Variants in RABGEF1 observed in about 807,000 individuals in gnomAD.
The protein encoded by RABGEF1 is rab5 GDP/GTP exchange factor.
In RABGEF1, 26 loss-of-function variants were observed where a neutral mutation model predicts 57.3. That is an observed-to-expected ratio of 0.45 (90% CI 0.33 to 0.63). RABGEF1 has a LOEUF of 0.63. Ranked by LOEUF, RABGEF1 falls within the 20% of genes least tolerant of loss-of-function variation. RABGEF1 has a pLI of 0.02. For missense variants in RABGEF1, 464 were observed against 607.6 expected, an observed-to-expected ratio of 0.76 and a Z score of 2.48; for synonymous variants, 185 against 210.7, an observed-to-expected ratio of 0.88 and a Z score of 1.06.
At position 66,809,416 on chromosome 7, in the gene RABGEF1, G is replaced by A; in HGVS notation, c.*132G>A. On this transcript the variant is annotated 3_prime_UTR_variant, in exon 9 of 9. Coordinates refer to ENST00000284957, the MANE Select transcript of RABGEF1 (RefSeq NM_014504.3). ...CATTTTTTAAAGGTACAGTATATGGGGATTGTTTCGTTTTTCCTAGCAGGG... is the reference window on the plus strand; with the variant it reads ...CATTTTTTAAAGGTACAGTATATGGAGATTGTTTCGTTTTTCCTAGCAGGG... 2 of 1,000,632 alleles carry A rather than the reference G, an allele frequency of 2.0e-6. No individual in the cohort carries two copies. The highest frequency in any genetic ancestry group is 3.2e-5 in the Admixed American group (1 of 30,884). The allele number at this position is 1,000,632 out of a possible 1,614,324, so 62.0% of individuals were successfully genotyped here.
intron 3 of RABGEF1, among the ~76,000 whole-genome samples, chr7:66,776,659 C>G (rs1327680312): frequency 6.6e-6 from 1 of 152,146 alleles, no homozygotes; most frequent in African/African-American, 2.4e-5. Flanking sequence ...CGTGCCATTG[C>G]ACTCCAGCCT....
At chr7:66,742,482 T>C (rs913895730) in intron 1 of RABGEF1, among the ~76,000 whole-genome samples, 6 of 152,136 alleles carry the variant, frequency 3.9e-5, no homozygotes, top group Non-Finnish European at 7.4e-5. Flanking sequence ...GTGTGGAGCC[T>C]GGAAGGGATC....
chr7:66,737,617 T>G (rs1316134587), upstream of RABGEF1, among the ~76,000 whole-genome samples: 1 of 152,224 alleles, frequency 6.6e-6, no homozygotes, highest in Non-Finnish European at 1.5e-5. Context: ...TCCTTTAATT[T>G]TGCCAAGGAA....
At chr7:66,680,628 C>A (rs544790169), upstream of RABGEF1, among the ~76,000 whole-genome samples, 1 of 151,658 alleles carries the variant, frequency 6.6e-6, no homozygotes, top group East Asian at 2.0e-4. Context: ...ATCAATTAAT[C>A]TCCACTTTAC....
rs1248821903 is a variant in RABGEF1 at position 66,783,840 on chromosome 7, G to A, written c.512G>A (p.Arg171Lys). ...KLFLEGMHYK[R>K]DLSIEEQSEC... The stretch of plus-strand genomic sequence containing the variant: ...TTTTTGGAAGGAATGCATTACAAAA[G>A]GGTAGGTTGAGAATAACCACGTAGA... Residue 171 changes from arginine to lysine, a missense_variant and splice_region_variant, in exon 4 of 9, where the codon AGG becomes AAG. Coordinates refer to ENST00000284957, the MANE Select transcript of RABGEF1 (RefSeq NM_014504.3). 1 of 1,611,662 alleles carries A rather than the reference G, an allele frequency of 6.2e-7. No homozygotes were observed. Among genetic ancestry groups the A allele is most frequent in the Non-Finnish European group, 8.5e-7 (1 of 1,178,724 alleles).
At chr7:66,739,943 C>T (rs1798557877), upstream of RABGEF1, 1 of 152,182 alleles carries the variant, frequency 6.6e-6, no homozygotes, top group Non-Finnish European at 1.5e-5. Flanking sequence ...TACTTTGTGA[C>T]ACTGGCTAAT....
At chr7:66,759,681 G>A (rs1293340090) in intron 1 of RABGEF1, among the ~76,000 whole-genome samples, 1 of 152,176 alleles carries the variant, frequency 6.6e-6, no homozygotes, top group Non-Finnish European at 1.5e-5. Flanking sequence ...CCTAGTGGGA[G>A]CAGGAGCAAG....
intron 3 of RABGEF1, among the ~76,000 whole-genome samples, chr7:66,780,979 A>G (rs1204186923): frequency 6.6e-6 from 1 of 152,118 alleles, no homozygotes; most frequent in East Asian, 1.9e-4. Context: ...TTGTTTTTTT[A>G]ACCTAATCTG....
At chr7:66,697,946 T>C (rs546725122) in intron 1 of RABGEF1, among the ~76,000 whole-genome samples, 2 of 152,216 alleles carry the variant, frequency 1.3e-5, no homozygotes, top group Non-Finnish European at 2.9e-5. Flanking sequence ...CTCTTCCTTA[T>C]TGGGAAGCCC....
At chr7:66,717,393 T>C (rs1191355893) in intron 2 of RABGEF1, among the ~76,000 whole-genome samples, 2 of 152,224 alleles carry the variant, frequency 1.3e-5, no homozygotes, top group Non-Finnish European at 2.9e-5. Flanking sequence ...AATCTGAAAC[T>C]GTTCTAAAAA....
At chr7:66,689,725 C>G (rs548277919) in intron 1 of RABGEF1, among the ~76,000 whole-genome samples, 2 of 151,818 alleles carry the variant, frequency 1.3e-5, no homozygotes, top group Non-Finnish European at 2.9e-5. Flanking sequence ...TCACTTGAAC[C>G]CGGGAGGCGG....
chr7:66,703,063 T>G (rs1024809211), intron 1 of RABGEF1, among the ~76,000 whole-genome samples: 7 of 152,192 alleles, frequency 4.6e-5, no homozygotes, highest in African/African-American at 1.7e-4. Context: ...AAGCTCTGCC[T>G]CCTGGGTTCA....
intron 2 of RABGEF1, among the ~76,000 whole-genome samples, chr7:66,719,351 C>T (rs1363531137): frequency 1.3e-4 from 20 of 152,086 alleles, no homozygotes; most frequent in South Asian, 2.1e-4. Context: ...CATAGGTGCA[C>T]GCCACCAAGC....
chr7:66,808,916 G>A lies in RABGEF1; in HGVS notation c.1108G>A (p.Asp370Asn). The change falls in exon 9 of 9, where the codon GAC becomes AAC. Residue 370 changes from aspartate (D) to asparagine (N), a missense_variant. By Grantham distance (23) the Asp-to-Asn change is conservative. Transcript: ENST00000284957. ...CCAVAFIEKLDAQSLNLSQED... is the reference protein window; with the variant it reads ...CCAVAFIEKLNAQSLNLSQED... The stretch of plus-strand genomic sequence containing the variant: ...TGCTGTGGCTTTCATTGAGAAGCTA[G>A]ACGCCCAGTCTTTGAATCTAAGTCA... 1.2e-6 allele frequency: 2 copies of A among 1,608,386 alleles called. No homozygotes were observed. Among genetic ancestry groups the A allele is most frequent in the Non-Finnish European group, 1.7e-6 (2 of 1,175,212 alleles).
intron 1 of RABGEF1, among the ~76,000 whole-genome samples, chr7:66,709,565 G>T (rs1407871943): frequency 6.6e-6 from 1 of 152,120 alleles, no homozygotes; most frequent in East Asian, 1.9e-4. Flanking sequence ...GAGGTGGGCA[G>T]ATCAGGAGTT....
At chr7:66,804,738 G>GA (rs35870963) in intron 7 of RABGEF1, among the ~76,000 whole-genome samples, 3,826 of 105,456 alleles carry the variant, frequency 0.036, 70 homozygotes, top group Middle Eastern at 0.12. Flanking sequence ...AACTCAGTCT[G>GA]AAAAAAAAAA....
intron 1 of RABGEF1, among the ~76,000 whole-genome samples, chr7:66,698,988 C>T (rs1792782600): frequency 6.6e-6 from 1 of 152,214 alleles, no homozygotes; most frequent in Admixed American, 6.6e-5. Flanking sequence ...AAGCTGAGTC[C>T]AGCCCGTCCT....
rs940248519 is a variant in RABGEF1 at position 66,705,950 on chromosome 7, C to T, written c.-872-6217C>T. ...TCGCTTTGTCGCCCAGGCCGGACTGCGGGCTGCAGTGGCGCAATCTCGGCT... is the reference window on the plus strand; with the variant it reads ...TCGCTTTGTCGCCCAGGCCGGACTGTGGGCTGCAGTGGCGCAATCTCGGCT... On this transcript the variant is annotated intron_variant and NMD_transcript_variant, in intron 1 of 9. Coordinates refer to the RABGEF1 transcript ENST00000607882. 1.2e-4 allele frequency among the ~76,000 whole-genome samples: 15 copies of T among 125,662 alleles called. No individual in the cohort carries two copies. The East Asian group carries it at 3.3e-3, about 27-fold the overall frequency. 82.4% of individuals were successfully genotyped at this position (125,662 alleles called of 152,430 possible).
the RABGEF1 span, among the ~76,000 whole-genome samples, chr7:66,656,129 T>TA: frequency 1.2e-4 from 18 of 152,150 alleles, no homozygotes; most frequent in African/African-American, 1.9e-4. Flanking sequence ...TTTATTTATT[T>TA]ATTGAGAGAG....
Sources: allele counts gnomAD v4.1 joint callset (sites outside exome capture counted in the v4.1 genomes callset), GRCh38; gene constraint gnomAD v4.1.1; transcripts MANE v1.5; gene names NCBI Gene and HGNC (gene_info 2026-07-23, HGNC 2026-07-21).